TSBP1: variants seen among roughly 807,000 people sequenced by gnomAD.
TSBP1 encodes the protein testis expressed basic protein 1.
A neutral mutation model predicts 68.8 loss-of-function variants in TSBP1; 56 were observed. The observed-to-expected ratio is 0.81, with a 90% confidence interval of 0.66 to 1.02. TSBP1 has a LOEUF of 1.02. Among genes scored for constraint, TSBP1 ranks in the 50% least tolerant of loss-of-function variants. TSBP1 has a pLI of 0.00. For synonymous variants in TSBP1, 171 were observed against 208.7 expected, an observed-to-expected ratio of 0.82 and a Z score of 1.56; for missense variants, 502 against 641.2, an observed-to-expected ratio of 0.78 and a Z score of 2.34.
chr6:32,333,988 C>A lies in TSBP1; in HGVS notation c.472+1449G>T, dbSNP rs1769356104. The A allele has an allele frequency of 3.5e-6, 1 of 288,916 alleles. No individual in the cohort carries two copies. The highest frequency in any genetic ancestry group is 7.1e-6 in the Non-Finnish European group (1 of 141,452). The allele number at this position is 288,916 out of a possible 1,614,324, so 17.9% of individuals were successfully genotyped here. On this transcript the variant is annotated intron_variant, in intron 14 of 22. Transcript: ENST00000612031. This position sits in a 1 kb window ranked among gnomAD's most constrained non-coding sequence, Gnocchi z 4.2. Reference sequence around the variant, plus strand: ...TATGCTAACTTAATAGTTGCTTTGCCTGTATCTACAAATATGTATCTTTGA... The same window carrying A: ...TATGCTAACTTAATAGTTGCTTTGCATGTATCTACAAATATGTATCTTTGA...
In TSBP1 at chr6:32,325,455, G is replaced by A. The variant is rs1416480049; in HGVS notation, c.515-1841C>T. On this transcript the variant is annotated intron_variant, in intron 16 of 22. Coordinates refer to ENST00000612031, the Ensembl canonical transcript of TSBP1. The surrounding 1 kb of genome is among the most constrained non-coding windows in gnomAD (Gnocchi z 4.4). ...CGTGAATGCAAGGCCACACAAGGTG[G>A]ATGGAAGAGCTGTGGAACCAAAGAG... 1 of 910,278 alleles carries A rather than the reference G, an allele frequency of 1.1e-6. No homozygotes were observed. The highest frequency in any genetic ancestry group is 1.8e-6 in the Non-Finnish European group (1 of 554,192). 56.4% of individuals were successfully genotyped at this position (910,278 alleles called of 1,614,324 possible).
chr6:32,362,394 G>A (rs1773165124), intron 6 of TSBP1, among the ~76,000 whole-genome samples: 2 of 151,946 alleles, frequency 1.3e-5, no homozygotes, highest in Non-Finnish European at 2.9e-5. Flanking sequence ...GTCCCCAGTA[G>A]CAAGAAGGCT....
intron 19 of TSBP1, among the ~76,000 whole-genome samples, chr6:32,308,956 GC>G (rs1562075642): frequency 1.1e-5 from 1 of 89,132 alleles, no homozygotes; most frequent in African/African-American, 5.0e-5. Flanking sequence ...TTTTCTTCCT[GC>G]TTTTTTTTTT....
At chr6:32,371,562 G>GA (rs5875366) in intron 1 of TSBP1, 132 bp downstream of exon 1, 27,013 of 760,118 alleles carry the variant, frequency 0.036, 1,404 homozygotes, top group East Asian at 0.16. Context: ...AAGAGTGAAA[G>GA]AAAAAATACT....
intron 18 of TSBP1, 148 bp downstream of exon 19, chr6:32,322,969 C>T: frequency 1.7e-6 from 1 of 579,444 alleles, no homozygotes; most frequent in Non-Finnish European, 3.0e-6. Flanking sequence ...TAGCTTAGTC[C>T]CACTTTTAAT....
In TSBP1 at chr6:32,302,952, A is replaced by G. The variant is rs1765448887; in HGVS notation, c.581-323T>C. Among the ~76,000 whole-genome samples, 1 of 152,158 alleles carries G rather than the reference A, an allele frequency of 6.6e-6. No individual in the cohort carries two copies. Among genetic ancestry groups the G allele is most frequent in the Non-Finnish European group, 1.5e-5 (1 of 68,022 alleles). ...CAAGACTCCTGCTTAAGAGCCACCA[A>G]TGGTTCCCCATCTTGGTTTAACAAA... On this transcript the variant is annotated intron_variant, in intron 19 of 22. Transcript: ENST00000612031. This position sits in a 1 kb window ranked among gnomAD's most constrained non-coding sequence, Gnocchi z 5.1.
At chr6:32,371,757 A>G in exon 1 of TSBP1, 1 of 1,612,722 alleles carries the variant, frequency 6.2e-7, no homozygotes. Context: ...TTTCTTTGTC[A>G]GAGAGAGATC....
At position 32,335,893 on chromosome 6, in the gene TSBP1, A is replaced by T; in HGVS notation, c.451+19T>A. ...GGAAAGTAAAATGCTCACTGTGGAG[A>T]ATCAGAGAGCAAACTTACTGATAGG... On this transcript the variant is annotated intron_variant, in intron 13 of 22. Coordinates refer to ENST00000612031, the Ensembl canonical transcript of TSBP1. The surrounding 1 kb of genome is among the most constrained non-coding windows in gnomAD (Gnocchi z 5.5). 2 of 1,593,672 alleles carry T rather than the reference A, an allele frequency of 1.3e-6. No individual in the cohort carries two copies. Among genetic ancestry groups the T allele is most frequent in the Non-Finnish European group, 1.7e-6 (2 of 1,162,948 alleles).
At chr6:32,342,679 TA>T (rs1770517433) in intron 9 of TSBP1, among the ~76,000 whole-genome samples, 1 of 152,214 alleles carries the variant, frequency 6.6e-6, no homozygotes, top group South Asian at 2.1e-4. Flanking sequence ...AAATTTATTT[TA>T]AAAGTGATTT....
chr6:32,365,883 T>G lies in TSBP1; in HGVS notation c.217+284A>C. On this transcript the variant is annotated intron_variant, in intron 6 of 22. Coordinates refer to ENST00000612031, the Ensembl canonical transcript of TSBP1. This position sits in a 1 kb window ranked among gnomAD's most constrained non-coding sequence, Gnocchi z 4.3. ...ATAGTTGTCTAAATTGATGCTTCTG[T>G]GTGGGAAGAAAGCTCCTATTCTACT... 1 of 531,906 alleles carries G rather than the reference T, an allele frequency of 1.9e-6. No individual in the cohort carries two copies. The allele number at this position is 531,906 out of a possible 1,614,324, so 32.9% of individuals were successfully genotyped here. A position where few individuals can be genotyped will look rare whatever the true frequency, so the allele number is the denominator to read the frequency against.
At chr6:32,368,810 C>T in exon 3 of TSBP1, 1 of 1,587,418 alleles carries the variant, frequency 6.3e-7, no homozygotes, top group Non-Finnish European at 8.6e-7. Flanking sequence ...TGGAGATATA[C>T]ATTTCTGTGG....
At chr6:32,313,520 C>T (rs1320609972) in intron 19 of TSBP1, among the ~76,000 whole-genome samples, 2 of 151,984 alleles carry the variant, frequency 1.3e-5, no homozygotes, top group African/African-American at 4.8e-5. Flanking sequence ...CTTCAGATTG[C>T]TCTAGTTATA....
intron 4 of TSBP1, 45 bp downstream of exon 4, chr6:32,367,880 A>C (rs114437758): frequency 1.6e-5 from 23 of 1,402,476 alleles, no homozygotes; most frequent in Non-Finnish European, 2.2e-5. Context: ...CACTCTAAAG[A>C]GTATATTCCT....
Position 32,365,732 on chromosome 6 carries a change from G to T in TSBP1, c.217+435C>A. 1 of 414,152 alleles carries T rather than the reference G, an allele frequency of 2.4e-6. No individual in the cohort carries two copies. The highest frequency in any genetic ancestry group is 1.8e-5 in the South Asian group (1 of 56,900). 25.7% of individuals were successfully genotyped at this position (414,152 alleles called of 1,614,324 possible). On this transcript the variant is annotated intron_variant, in intron 6 of 22. Coordinates refer to ENST00000612031, the Ensembl canonical transcript of TSBP1. This position sits in a 1 kb window ranked among gnomAD's most constrained non-coding sequence, Gnocchi z 4.3. ...GCCACCTTGGGGGAGGAGTGATGTG[G>T]GTAAAGTGAAACTGTTCTTCTTACC... is the stretch of plus-strand genomic sequence containing the variant.
At chr6:32,347,012 T>C (rs1337664530) in intron 9 of TSBP1, among the ~76,000 whole-genome samples, 1 of 152,222 alleles carries the variant, frequency 6.6e-6, no homozygotes, top group African/African-American at 2.4e-5. Flanking sequence ...ACAAAAAGTA[T>C]GTGAGGAAAT....
intron 16 of TSBP1, among the ~76,000 whole-genome samples, chr6:32,324,928 A>C (rs1297365100): frequency 6.6e-6 from 1 of 152,174 alleles, no homozygotes; most frequent in Non-Finnish European, 1.5e-5. Flanking sequence ...ACATCAGTGG[A>C]CTTTGATAAG....
At chr6:32,355,774 T>C in intron 6 of TSBP1, 105 bp from the exon 7 acceptor site, 1 of 1,381,974 alleles carries the variant, frequency 7.2e-7, no homozygotes, top group African/African-American at 1.5e-5. Flanking sequence ...AAATATCCAG[T>C]TAGGCAAGAA....
At chr6:32,349,682 C>A in intron 9 of TSBP1, 58 bp downstream of exon 9, 2 of 1,022,676 alleles carry the variant, frequency 2.0e-6, no homozygotes, top group Non-Finnish European at 3.1e-6. Context: ...AGGAAGATAT[C>A]CTCTTGATTA....
intron 9 of TSBP1, among the ~76,000 whole-genome samples, chr6:32,341,593 GA>G (rs1035038551): frequency 6.6e-6 from 1 of 152,196 alleles, no homozygotes; most frequent in African/African-American, 2.4e-5. Context: ...GATGAGAAGA[GA>G]TTTAAGTGAG....
Sources: gnomAD v4.1 joint callset for allele counts (sites outside exome capture counted in the v4.1 genomes callset) on GRCh38, gnomAD v4.1.1 for gene constraint, Gnocchi (gnomAD v3.1) non-coding constraint, MANE v1.5 for transcripts, NCBI Gene and HGNC (gene_info 2026-07-23, HGNC 2026-07-21) for gene names.